Variants in THSD7B observed in about 807,000 individuals in gnomAD.
The protein encoded by THSD7B is thrombospondin type-1 domain-containing protein 7B.
THSD7B carries 138 observed loss-of-function variants against 213.6 expected under a neutral mutation model. The observed-to-expected ratio is 0.65, with a 90% CI of 0.56 to 0.74. The LOEUF (loss-of-function observed/expected upper bound fraction) is 0.74, where lower values mean the gene tolerates loss of function less well. Among genes scored for constraint, THSD7B ranks in the 30% least tolerant of loss-of-function variants. THSD7B has a pLI of 0.00. For synonymous variants in THSD7B, 742 were observed against 687.0 expected (o/e 1.08, Z -1.25); for missense variants, 1,931 against 1,991.5 (o/e 0.97, Z 0.58).
intron 12 of THSD7B, among the ~76,000 whole-genome samples, chr2:137,312,270 C>G (rs1163715519): frequency 6.6e-6 from 1 of 152,136 alleles, no homozygotes; most frequent in Non-Finnish European, 1.5e-5. Flanking sequence ...TCCATTTCTT[C>G]TAGATTTTCT....
At chr2:137,465,587 C>T (rs1687976544) in intron 15 of THSD7B, among the ~76,000 whole-genome samples, 1 of 152,104 alleles carries the variant, frequency 6.6e-6, no homozygotes, top group African/African-American at 2.4e-5. Context: ...GATGTGACAC[C>T]TAATTACTGA....
chr2:137,475,859 G>A (rs77868655), intron 15 of THSD7B, among the ~76,000 whole-genome samples: 7,090 of 152,076 alleles, frequency 0.047, 570 homozygotes, highest in African/African-American at 0.16. Context: ...GGGTTATATT[G>A]TGTTTATATT....
At chr2:136,960,237 C>G (rs978528204) in intron 2 of THSD7B, among the ~76,000 whole-genome samples, 2 of 152,196 alleles carry the variant, frequency 1.3e-5, no homozygotes, top group African/African-American at 4.8e-5. Context: ...AAGTGATCCC[C>G]GCACCACAAC....
rs145772927 is a variant in THSD7B at position 137,114,100 on chromosome 2, A to G, written c.1200-1024A>G. Among the ~76,000 whole-genome samples the G allele has an allele frequency of 6.0e-3, 921 of 152,310 alleles. 14 individuals are homozygous for G. The highest frequency in any genetic ancestry group is 0.021 in the African/African-American group (874 of 41,570). ...TTACTCTAGTTTTTGTAAAGCCAGG[A>G]TCTTGGTGACATATGATTACTTTTA... On this transcript the variant is annotated intron_variant, in intron 4 of 27. Coordinates refer to ENST00000409968, the MANE Select transcript of THSD7B (RefSeq NM_001316349.2).
intron 1 of THSD7B, among the ~76,000 whole-genome samples, chr2:136,805,204 C>G (rs1017799085): frequency 1.3e-5 from 2 of 151,806 alleles, no homozygotes; most frequent in African/African-American, 2.4e-5. Flanking sequence ...TGGGTTTGGT[C>G]AGGAATTGAT....
chr2:136,920,309 G>C (rs903093455), intron 2 of THSD7B, among the ~76,000 whole-genome samples: 2 of 152,184 alleles, frequency 1.3e-5, no homozygotes, highest in Non-Finnish European at 2.9e-5. Context: ...CCTGATGAGT[G>C]TCCAGCTCTC....
At chr2:137,614,305 G>A (rs796252899) in intron 17 of THSD7B, among the ~76,000 whole-genome samples, 8 of 152,120 alleles carry the variant, frequency 5.3e-5, no homozygotes, top group African/African-American at 1.2e-4. Flanking sequence ...TCTCATCTAG[G>A]TTTAGATGCG....
intron 1 of THSD7B, among the ~76,000 whole-genome samples, chr2:136,847,168 C>T (rs1214607645): frequency 6.6e-6 from 1 of 152,148 alleles, no homozygotes; most frequent in Non-Finnish European, 1.5e-5. Flanking sequence ...CCTTCTACCC[C>T]ACTTAGAGAG....
In THSD7B at chr2:137,537,663, A is replaced by G. The variant is rs957255429; in HGVS notation, c.3139-25558A>G. 7.9e-5 allele frequency among the ~76,000 whole-genome samples: 12 copies of G among 151,714 alleles called. 1 individual carries two copies. The highest frequency in any genetic ancestry group is 1.5e-4 in the Non-Finnish European group (10 of 67,772). On this transcript the variant is annotated intron_variant, in intron 15 of 27. Coordinates refer to ENST00000409968, the MANE Select transcript of THSD7B (RefSeq NM_001316349.2). Reference sequence around the variant, plus strand: ...TTCTGTTCATTAAGATTTGTGGTCTATTACATAAAAGAGTAAAACTTGATT... The same window carrying G: ...TTCTGTTCATTAAGATTTGTGGTCTGTTACATAAAAGAGTAAAACTTGATT...
chr2:137,601,791 A>G (rs1573736746), intron 17 of THSD7B, among the ~76,000 whole-genome samples: 1 of 152,216 alleles, frequency 6.6e-6, no homozygotes, highest in African/African-American at 2.4e-5. Context: ...AGAAAGTGAA[A>G]GATACAGCAA....
intron 12 of THSD7B, among the ~76,000 whole-genome samples, chr2:137,396,974 C>T (rs1458145647): frequency 4.3e-5 from 6 of 140,222 alleles, no homozygotes; most frequent in African/African-American, 7.9e-5. Flanking sequence ...TTATCAGAGA[C>T]GAGGATTGCA....
intron 12 of THSD7B, among the ~76,000 whole-genome samples, chr2:137,284,823 T>C (rs1312324474): frequency 6.6e-6 from 1 of 152,142 alleles, no homozygotes; most frequent in Non-Finnish European, 1.5e-5. Flanking sequence ...CTTCTAACTA[T>C]GTGGTCAATT....
chr2:137,572,571 T>G lies in THSD7B; in HGVS notation c.3423+15T>G, dbSNP rs1195160277. The G allele has an allele frequency of 6.2e-7, 1 of 1,613,264 alleles. No individual in the cohort carries two copies. The highest frequency in any genetic ancestry group is 1.3e-5 in the African/African-American group (1 of 74,934). On this transcript the variant is annotated intron_variant, in intron 17 of 27. Coordinates refer to ENST00000409968, the MANE Select transcript of THSD7B (RefSeq NM_001316349.2). ...AATGCCCACAGGTAATTTCTCTTTC[T>G]TTGTCAATGCTCTGATAATCTATTG...
At chr2:136,807,396 A>G (rs1376729103) in intron 1 of THSD7B, among the ~76,000 whole-genome samples, 1 of 150,782 alleles carries the variant, frequency 6.6e-6, no homozygotes, top group Non-Finnish European at 1.5e-5. Flanking sequence ...TGCAGACATT[A>G]TTCCATCTTT....
chr2:137,131,879 A>G (rs1412496255), intron 5 of THSD7B, among the ~76,000 whole-genome samples: 2 of 152,018 alleles, frequency 1.3e-5, no homozygotes, highest in Admixed American at 6.6e-5. Flanking sequence ...TTTTGGTTCC[A>G]TATGAACTTT....
intron 14 of THSD7B, among the ~76,000 whole-genome samples, chr2:137,416,585 G>A (rs1573613429): frequency 1.3e-5 from 2 of 152,218 alleles, no homozygotes; most frequent in East Asian, 3.9e-4. Context: ...ACAGGCTCTG[G>A]CCCCACACAG....
chr2:137,571,246 C>T (rs1681349832), intron 16 of THSD7B, among the ~76,000 whole-genome samples: 1 of 152,156 alleles, frequency 6.6e-6, no homozygotes, highest in African/African-American at 2.4e-5. Context: ...TTTGGTTCAA[C>T]ATTATATTTT....
chr2:137,525,768 A>G (rs1167917906), intron 15 of THSD7B, among the ~76,000 whole-genome samples: 1 of 152,188 alleles, frequency 6.6e-6, no homozygotes, highest in Non-Finnish European at 1.5e-5. Context: ...TGGTGAGTTC[A>G]CACATTTATA....
chr2:137,056,732 G>A lies in THSD7B; in HGVS notation c.452G>A (p.Arg151Gln), dbSNP rs1250652530. ...RMVRCIQKLN[R>Q]TVVANEICEH... ...GTGCGCTGCATTCAGAAGCTGAACC[G>A]AACTGTGGTTGCAAATGAAATATGC... Residue 151 changes from arginine (R) to glutamine (Q), a missense_variant, in exon 3 of 28, where the codon CGA (arginine) becomes CAA (glutamine). Physicochemically the swap from Arg to Gln is conservative, Grantham distance 43. Transcript: ENST00000409968. 6.2e-7 allele frequency: 1 copy of A among 1,613,964 alleles called. No homozygotes were observed. The highest frequency in any genetic ancestry group is 8.5e-7 in the Non-Finnish European group (1 of 1,179,892).
Sources: gnomAD v4.1 joint callset for allele counts (sites outside exome capture counted in the v4.1 genomes callset) on GRCh38, gnomAD v4.1.1 for gene constraint, MANE v1.5 for transcripts, NCBI Gene and HGNC (gene_info 2026-07-23, HGNC 2026-07-21) for gene names.